ZFHX4: variants seen among roughly 807,000 people sequenced by gnomAD.
ZFHX4 encodes the protein zinc finger homeobox protein 4.
ZFHX4 carries 56 observed loss-of-function variants against 267.6 expected under a neutral mutation model. That is an observed-to-expected ratio of 0.21 (90% CI 0.17 to 0.26). The LOEUF is 0.26. Ranked by LOEUF, ZFHX4 falls within the 10% of genes least tolerant of loss-of-function variation. The pLI, the probability that ZFHX4 is intolerant of heterozygous loss-of-function variation, is 1.00. For missense variants in ZFHX4, 4,332 were observed against 4,420.0 expected (o/e 0.98, Z 0.56); for synonymous variants, 1,778 against 1,665.6 (o/e 1.07, Z -1.64).
chr8:76,755,772 G>A (rs1436446423), intron 3 of ZFHX4, among the ~76,000 whole-genome samples: 5 of 152,012 alleles, frequency 3.3e-5, no homozygotes, highest in African/African-American at 9.7e-5. Flanking sequence ...GAGCCTTTGC[G>A]ACTTCTTTGA....
intron 3 of ZFHX4, among the ~76,000 whole-genome samples, chr8:76,766,946 T>C (rs771808954): frequency 2.0e-4 from 30 of 152,142 alleles, no homozygotes; most frequent in Middle Eastern, 6.8e-3. Flanking sequence ...TTAATGTAGT[T>C]TTTTTCCCTA....
chr8:76,809,433 A>C (rs1330928704), intron 4 of ZFHX4, among the ~76,000 whole-genome samples: 1 of 152,184 alleles, frequency 6.6e-6, no homozygotes, highest in African/African-American at 2.4e-5. Context: ...AGTTTGACAA[A>C]GAAAGCAGCA....
chr8:76,808,444 GCAGTATGGTA>G, intron 4 of ZFHX4, among the ~76,000 whole-genome samples: 1 of 152,082 alleles, frequency 6.6e-6, no homozygotes, highest in South Asian at 2.1e-4. Flanking sequence ...CCTACATCTT[GCAGTATGGTA>G]CACTGCGAAG....
intron 4 of ZFHX4, among the ~76,000 whole-genome samples, chr8:76,819,539 T>C (rs564617109): frequency 6.6e-6 from 1 of 151,994 alleles, no homozygotes; most frequent in Non-Finnish European, 1.5e-5. Context: ...GGAGCATTCG[T>C]GGTGGGTGCC....
At position 76,848,956 on chromosome 8, in the gene ZFHX4, GT is replaced by G; in HGVS notation, c.3512-34del. 2.1e-6 allele frequency: 3 copies of G among 1,457,810 alleles called. No homozygotes were observed. The South Asian group carries it at 4.3e-5, about 21-fold the overall frequency. The allele number at this position is 1,457,810 out of a possible 1,614,324, so 90.3% of individuals were successfully genotyped here. On this transcript the variant is annotated intron_variant, in intron 6 of 10. Coordinates refer to ENST00000651372, the MANE Select transcript of ZFHX4 (RefSeq NM_024721.5). ...ATAATTTTTCTCATTTCGGAATTGT[GT>G]TTTTAAATTGAATTGTTCTATTCTT...
intron 10 of ZFHX4, among the ~76,000 whole-genome samples, chr8:76,860,583 T>C (rs1812840095): frequency 6.6e-6 from 1 of 151,994 alleles, no homozygotes; most frequent in Non-Finnish European, 1.5e-5. Context: ...GGAAATTAGG[T>C]GAAAGAGGGT....
chr8:76,844,534 A>G (rs972542955), intron 6 of ZFHX4, among the ~76,000 whole-genome samples: 2 of 152,088 alleles, frequency 1.3e-5, no homozygotes, highest in Non-Finnish European at 2.9e-5. Context: ...CCAAGGCTCT[A>G]TCTTTACCAG....
chr8:76,840,410 G>A (rs1017453536), intron 5 of ZFHX4, among the ~76,000 whole-genome samples: 3 of 152,182 alleles, frequency 2.0e-5, no homozygotes, highest in African/African-American at 7.2e-5. Flanking sequence ...GGGTCAGGCT[G>A]AGGTCAGACA....
chr8:76,806,573 A>G (rs900242762), intron 4 of ZFHX4, among the ~76,000 whole-genome samples: 4 of 152,114 alleles, frequency 2.6e-5, no homozygotes, highest in African/African-American at 9.7e-5. Context: ...AGGTATTTTT[A>G]GGTAGTTCTG....
chr8:76,722,322 C>G (rs550509761), intron 3 of ZFHX4, among the ~76,000 whole-genome samples: 1 of 152,134 alleles, frequency 6.6e-6, no homozygotes, highest in East Asian at 1.9e-4. Context: ...GTCTGTAACA[C>G]AGTAAAACTG....
chr8:76,842,423 A>G (rs563647075), intron 5 of ZFHX4, among the ~76,000 whole-genome samples: 1 of 152,340 alleles, frequency 6.6e-6, no homozygotes, highest in Admixed American at 6.5e-5. Flanking sequence ...TTAATTTAGT[A>G]TAGACCCATC....
At chr8:76,698,916 T>G (rs1808028999) in intron 1 of ZFHX4, among the ~76,000 whole-genome samples, 1 of 152,206 alleles carries the variant, frequency 6.6e-6, no homozygotes, top group African/African-American at 2.4e-5. Context: ...CATTAATTCC[T>G]TCTTGCAGAA....
chr8:76,864,317 G>T lies in ZFHX4; in HGVS notation c.10603G>T (p.Ala3535Ser), dbSNP rs779859085. 6.2e-7 allele frequency: 1 copy of T among 1,613,746 alleles called. No individual in the cohort carries two copies. The highest frequency in any genetic ancestry group is 8.5e-7 in the Non-Finnish European group (1 of 1,179,830). ...SWPNILFQASARRAASPPSSP... is the reference protein window; with the variant it reads ...SWPNILFQASSRRAASPPSSP... ...GCCTAATATCCTTTTCCAAGCGTCT[G>T]CCAGGAGAGCTGCTTCTCCCCCTTC... The change falls in exon 11 of 11, where the codon GCC (alanine) becomes TCC (serine). Residue 3535 changes from alanine (A) to serine (S), a missense_variant. Around this residue, in one of 7 missense-constraint regions of ZFHX4, gnomAD observed 1,648 missense variants for 1,625.0 expected, o/e 1.01. Coordinates refer to ENST00000651372, the MANE Select transcript of ZFHX4 (RefSeq NM_024721.5).
At chr8:76,747,565 C>T (rs1460778886) in intron 3 of ZFHX4, among the ~76,000 whole-genome samples, 1 of 152,134 alleles carries the variant, frequency 6.6e-6, no homozygotes, top group Non-Finnish European at 1.5e-5. Context: ...ATATACATCA[C>T]GCATCTCTGT....
rs534857078 is a variant in ZFHX4 at position 76,684,051 on chromosome 8, T to G, written c.-47+2431T>G. 9.9e-5 allele frequency: 15 copies of G among 152,052 alleles called. 1 individual carries two copies. In the East Asian group the frequency reaches 2.7e-3, roughly 27 times the overall value. 9.4% of individuals were successfully genotyped at this position (152,052 alleles called of 1,614,324 possible). On this transcript the variant is annotated intron_variant, in intron 1 of 10. Coordinates refer to ENST00000651372, the MANE Select transcript of ZFHX4 (RefSeq NM_024721.5). The stretch of plus-strand genomic sequence containing the variant: ...CTCAGACTTTCTTTCTGTTTTGGTT[T>G]TTTTTTTTCTGTTTCTTTACTAACT...
rs1207888913 is a variant in ZFHX4, at chr8:76,863,372, G to A, written c.9658G>A (p.Glu3220Lys). ...ACCCGAAAAACACCCCAAAAAAGAG[G>A]AAAAAATCTCATCTGCTCTTTCAGT... ...TKPEKHPKKEEKISSALSVLG... is the reference protein window; with the variant it reads ...TKPEKHPKKEKKISSALSVLG... Residue 3220 changes from glutamate (E) to lysine (K), a missense_variant, in exon 11 of 11, where the codon GAA becomes AAA. By Grantham distance (56) the Glu-to-Lys change is moderately conservative (BLOSUM62 1). Around this residue, in one of 7 missense-constraint regions of ZFHX4, gnomAD observed 1,648 missense variants for 1,625.0 expected, o/e 1.01. Coordinates refer to ENST00000651372, the MANE Select transcript of ZFHX4 (RefSeq NM_024721.5). 1 of 1,613,870 alleles carries A rather than the reference G, an allele frequency of 6.2e-7. No homozygotes were observed. The highest frequency in any genetic ancestry group is 1.1e-5 in the South Asian group (1 of 91,070).
In ZFHX4 at chr8:76,854,273, A is replaced by AGCCACC; in HGVS notation, c.7353_7358dup (p.Pro2452_Pro2453dup). The AGCCACC allele has an allele frequency of 2.5e-6, 4 of 1,588,998 alleles. No individual in the cohort carries two copies. The highest frequency in any genetic ancestry group is 3.4e-6 in the Non-Finnish European group (4 of 1,167,528). The stretch of plus-strand genomic sequence containing the variant: ...ACAGCCCAGCCACAGCCACAGCCAC[A>AGCCACC]GCCACCAAAACAACCCCAACTTATC... On this transcript the variant is annotated inframe_insertion, in exon 10 of 11. Transcript: ENST00000651372.
rs760071763 is a variant in ZFHX4 at position 76,851,463 on chromosome 8, C to A, written c.4542C>A (p.Gly1514=). 5.0e-6 allele frequency: 8 copies of A among 1,613,862 alleles called. No homozygotes were observed. The Admixed American group carries it at 1.3e-4, about 27-fold the overall frequency. ...SDSSSIPDDM[G]SEPKRTLPFR... ...GTAGCTCTATTCCAGATGACATGGG[C>A]TCTGAACCAAAGCGGACCTTACCTT... Residue 1514 remains glycine (G), a synonymous_variant, in exon 10 of 11, where the codon GGC becomes GGA. Transcript: ENST00000651372.
chr8:76,755,566 T>G (rs1307714858), intron 3 of ZFHX4, among the ~76,000 whole-genome samples: 2 of 152,166 alleles, frequency 1.3e-5, no homozygotes, highest in Non-Finnish European at 2.9e-5. Context: ...ATGGGCTACA[T>G]GCATGCTTAT....
Sources: allele counts gnomAD v4.1 joint callset (sites outside exome capture counted in the v4.1 genomes callset), GRCh38; gene constraint gnomAD v4.1.1; regional missense constraint gnomAD v4.1.1; transcripts MANE v1.5; gene names NCBI Gene and HGNC (gene_info 2026-07-23, HGNC 2026-07-21).